Variants in PTGFRN observed in about 807,000 individuals in gnomAD.
PTGFRN encodes the protein prostaglandin F2 receptor negative regulator.
A neutral mutation model predicts 83.2 loss-of-function variants in PTGFRN; 35 were observed. That is an observed-to-expected ratio of 0.42 (90% CI 0.32 to 0.56). PTGFRN has a LOEUF of 0.56. Ranked by LOEUF, PTGFRN falls within the 20% of genes least tolerant of loss-of-function variation. The pLI is 0.11. For missense variants in PTGFRN, 1,051 were observed against 1,179.5 expected, an observed-to-expected ratio of 0.89 and a Z score of 1.60; for synonymous variants, 519 against 498.6, an observed-to-expected ratio of 1.04 and a Z score of -0.55.
chr1:116,970,788 T>TA (rs1001363888), intron 6 of PTGFRN, among the ~76,000 whole-genome samples: 2 of 152,212 alleles, frequency 1.3e-5, no homozygotes, highest in African/African-American at 4.8e-5. Context: ...CTTTGCTTCC[T>TA]AAAAATCCGT....
rs1570685427 is a variant in PTGFRN, at chr1:116,987,174, C to A, written c.*207C>A. On this transcript the variant is annotated 3_prime_UTR_variant, in exon 9 of 9. Coordinates refer to ENST00000393203, the MANE Select transcript of PTGFRN (RefSeq NM_020440.4). The stretch of plus-strand genomic sequence containing the variant: ...ACGGCTCTTCTTCCCACGGCACTTT[C>A]TGATGTAACAATCGAGTGTGTGTTT... 5.5e-6 allele frequency: 3 copies of A among 547,076 alleles called. No individual in the cohort carries two copies. In the East Asian group the frequency reaches 9.5e-5, roughly 17 times the overall value. The allele number at this position is 547,076 out of a possible 1,614,324, so 33.9% of individuals were successfully genotyped here. A position where few individuals can be genotyped will look rare whatever the true frequency, so the allele number is the denominator to read the frequency against.
Position 116,984,961 on chromosome 1 carries a change from G to A in PTGFRN, c.2449G>A (p.Val817Ile), listed in dbSNP as rs755059462. 2.7e-5 allele frequency: 43 copies of A among 1,613,812 alleles called. No individual in the cohort carries two copies. Among genetic ancestry groups the A allele is most frequent in the Middle Eastern group, 3.3e-4 (2 of 6,076 alleles). The change falls in exon 8 of 9, where the codon GTT (valine) becomes ATT (isoleucine). Residue 817 changes from valine to isoleucine, a missense_variant. Val to Ile is a conservative substitution (Grantham distance 29). Around this residue, in one of 3 missense-constraint regions of PTGFRN, gnomAD observed 719 missense variants for 836.6 expected, o/e 0.86. Transcript: ENST00000393203. ...QKEAEIHSKP[V>I]FITVKMDVLN... is the part of the protein sequence containing the mutation. ...GGAGGCAGAGATCCACTCCAAGCCC[G>A]TTTTTATAACTGTGAAGATGGATGG...
intron 7 of PTGFRN, among the ~76,000 whole-genome samples, chr1:116,981,140 A>C (rs1651307325): frequency 6.6e-6 from 1 of 152,150 alleles, no homozygotes; most frequent in South Asian, 2.1e-4. Context: ...TTTAGTGACC[A>C]GTTGATGTCC....
At chr1:116,971,493 C>CCATA (rs1401959935) in intron 6 of PTGFRN, among the ~76,000 whole-genome samples, 10 of 152,192 alleles carry the variant, frequency 6.6e-5, no homozygotes, top group African/African-American at 2.4e-4. Flanking sequence ...ACTCTCTGTA[C>CCATA]CATACCCTGT....
intron 7 of PTGFRN, among the ~76,000 whole-genome samples, chr1:116,978,627 G>C (rs928729519): frequency 3.3e-5 from 5 of 152,122 alleles, no homozygotes; most frequent in Admixed American, 2.6e-4. Flanking sequence ...AAAACCACAT[G>C]ATTATCTCAA....
rs1245902324 is a variant in PTGFRN at position 116,961,372 on chromosome 1, AC to A, written c.1344del (p.Tyr449ThrfsTer3). On this transcript the variant is annotated frameshift_variant, in exon 5 of 9. Transcript: ENST00000393203. LOFTEE classifies it high-confidence loss of function. The surrounding 1 kb of genome is among the most constrained non-coding windows in gnomAD (Gnocchi z 5.4). ...AATGTCCGATTCACGGTTTCGTGGT[AC>A]TACAGGATGAACCGGCGCAGCGACA... ...EANVRFTVSWYYRMNRRSDNV... is the reference protein window; with the variant it reads ...EANVRFTVSWXYRMNRRSDNV... 1 of 1,607,276 alleles carries A rather than the reference AC, an allele frequency of 6.2e-7. No homozygotes were observed. Among genetic ancestry groups the A allele is most frequent in the Non-Finnish European group, 8.5e-7 (1 of 1,175,092 alleles).
At chr1:116,986,344 G>A (rs1651483290) in intron 8 of PTGFRN, among the ~76,000 whole-genome samples, 1 of 152,104 alleles carries the variant, frequency 6.6e-6, no homozygotes, top group African/African-American at 2.4e-5. Context: ...AACAAACAGG[G>A]GAGTGATTAT....
At chr1:116,927,860 A>G (rs1333150543) in intron 1 of PTGFRN, among the ~76,000 whole-genome samples, 1 of 152,160 alleles carries the variant, frequency 6.6e-6, no homozygotes, top group Non-Finnish European at 1.5e-5. Flanking sequence ...AACTAAGAAA[A>G]GTTGCATTGA....
In PTGFRN at chr1:116,952,866, T is replaced by A. The variant is rs558463945; in HGVS notation, c.1213+3294T>A. Among the ~76,000 whole-genome samples, 6 of 152,346 alleles carry A rather than the reference T, an allele frequency of 3.9e-5. No homozygotes were observed. In the South Asian group the frequency reaches 1.2e-3, roughly 32 times the overall value. ...TCTATAAAAGCTGAGGACATAAATCTTAAGTGTGTGAAGGGTTTCTGTAAG... is the reference window on the plus strand; with the variant it reads ...TCTATAAAAGCTGAGGACATAAATCATAAGTGTGTGAAGGGTTTCTGTAAG... On this transcript the variant is annotated intron_variant, in intron 4 of 8. Transcript: ENST00000393203. This position sits in a 1 kb window ranked among gnomAD's most constrained non-coding sequence, Gnocchi z 4.0.
At chr1:116,911,655 A>G (rs1294142304) in intron 1 of PTGFRN, among the ~76,000 whole-genome samples, 1 of 152,104 alleles carries the variant, frequency 6.6e-6, no homozygotes, top group Non-Finnish European at 1.5e-5. Context: ...CTTTATTTTT[A>G]TTTTTGAAAC....
At position 116,958,040 on chromosome 1, in the gene PTGFRN, A is replaced by G. The variant is rs1425863016; in HGVS notation, c.1214-3203A>G. 1.3e-5 allele frequency among the ~76,000 whole-genome samples: 2 copies of G among 151,968 alleles called. No individual in the cohort carries two copies. The highest frequency in any genetic ancestry group is 2.9e-5 in the Non-Finnish European group (2 of 68,012). On this transcript the variant is annotated intron_variant, in intron 4 of 8. Coordinates refer to ENST00000393203, the MANE Select transcript of PTGFRN (RefSeq NM_020440.4). The surrounding 1 kb of genome is among the most constrained non-coding windows in gnomAD (Gnocchi z 4.9). ...CTGTTGATGGACACGGGTTGATTCC[A>G]TATCTTGGCCCTTGTGAATAATGCT...
chr1:116,964,564 T>C (rs1371695972), intron 5 of PTGFRN, among the ~76,000 whole-genome samples: 3 of 152,312 alleles, frequency 2.0e-5, no homozygotes, highest in Non-Finnish European at 4.4e-5. Context: ...CCTCACCTTC[T>C]TGGTGATGTC....
At chr1:116,950,495 A>G (rs1396468553) in intron 4 of PTGFRN, among the ~76,000 whole-genome samples, 1 of 152,164 alleles carries the variant, frequency 6.6e-6, no homozygotes, top group African/African-American at 2.4e-5. Context: ...CATTGCTCTG[A>G]TTATTAGCAG....
At chr1:116,926,094 G>A (rs1649652463) in intron 1 of PTGFRN, among the ~76,000 whole-genome samples, 1 of 152,184 alleles carries the variant, frequency 6.6e-6, no homozygotes, top group African/African-American at 2.4e-5. Flanking sequence ...GAGGAGGGGT[G>A]GATGAGGCAA....
chr1:116,949,664 G>A, intron 4 of PTGFRN, 92 bp downstream of exon 4: 2 of 1,480,964 alleles, frequency 1.4e-6, no homozygotes, highest in Non-Finnish European at 9.0e-7. Context: ...TCTGCGCTTT[G>A]CATGACTTCG....
intron 7 of PTGFRN, among the ~76,000 whole-genome samples, chr1:116,980,594 C>T (rs1450928339): frequency 1.3e-5 from 2 of 152,190 alleles, no homozygotes; most frequent in Non-Finnish European, 2.9e-5. Flanking sequence ...TCTCAGCAAA[C>T]TGTCACAAGG....
Position 116,987,229 on chromosome 1 carries a change from T to G in PTGFRN, c.*262T>G. The G allele has an allele frequency of 2.1e-5, 8 of 387,508 alleles. No homozygotes were observed. Among genetic ancestry groups the G allele is most frequent in the Non-Finnish European group, 3.3e-5 (7 of 211,146 alleles). The allele number at this position is 387,508 out of a possible 1,614,324, so 24.0% of individuals were successfully genotyped here. On this transcript the variant is annotated 3_prime_UTR_variant, in exon 9 of 9. Coordinates refer to ENST00000393203, the MANE Select transcript of PTGFRN (RefSeq NM_020440.4). ...AACTGCAGCTTTTTAATGGTTAACC[T>G]TCATCTAATTTTTTTTCTCCCACTG...
At chr1:116,922,422 C>T (rs1245644836) in intron 1 of PTGFRN, among the ~76,000 whole-genome samples, 6 of 152,134 alleles carry the variant, frequency 3.9e-5, no homozygotes, top group African/African-American at 9.7e-5. Context: ...ATCTATTCAT[C>T]GGAGTCCTAT....
chr1:116,939,227 G>A (rs752336569), intron 1 of PTGFRN, among the ~76,000 whole-genome samples: 2 of 152,216 alleles, frequency 1.3e-5, no homozygotes, highest in Non-Finnish European at 2.9e-5. Flanking sequence ...GTTTGTGGGG[G>A]CCCTGACCCC....
Sources: allele counts gnomAD v4.1 joint callset (sites outside exome capture counted in the v4.1 genomes callset), GRCh38; gene constraint gnomAD v4.1.1; regional missense constraint gnomAD v4.1.1; non-coding constraint Gnocchi (gnomAD v3.1); transcripts MANE v1.5; gene names NCBI Gene and HGNC (gene_info 2026-07-23, HGNC 2026-07-21).